The following COX10 variants were observed in gnomAD, a reference collection of about 807,000 sequenced individuals.
The protein encoded by COX10 is protoheme IX farnesyltransferase, mitochondrial.
In COX10, 27 loss-of-function variants were observed where a neutral mutation model predicts 37.3. The ratio of observed to expected loss-of-function variants is 0.72; its 90% CI spans 0.53 to 1.00. The LOEUF (loss-of-function observed/expected upper bound fraction) is 1.00. Among genes scored for constraint, COX10 ranks in the 50% least tolerant of loss-of-function variants. COX10 has a pLI of 0.00. For synonymous variants in COX10, 222 were observed against 229.1 expected (o/e 0.97, Z 0.28); for missense variants, 475 against 563.2 (o/e 0.84, Z 1.59).
chr17:14,157,436 C>A (rs1650177142), intron 4 of COX10, among the ~76,000 whole-genome samples: 1 of 152,208 alleles, frequency 6.6e-6, no homozygotes, highest in African/African-American at 2.4e-5. Flanking sequence ...AGGAGGGGAA[C>A]ATTCTAGGCA....
At chr17:14,162,464 C>G (rs1905189154) in intron 5 of COX10, among the ~76,000 whole-genome samples, 1 of 152,132 alleles carries the variant, frequency 6.6e-6, no homozygotes, top group African/African-American at 2.4e-5. Context: ...TGAGGTTTCT[C>G]TAGTGTCACA....
intron 6 of COX10, among the ~76,000 whole-genome samples, chr17:14,192,618 C>T (rs1213834789): frequency 6.6e-6 from 1 of 152,182 alleles, no homozygotes; most frequent in African/African-American, 2.4e-5. Flanking sequence ...TTTCGTCTCA[C>T]GAGCCAGCCT....
chr17:14,132,131 A>T (rs1250276048), intron 4 of COX10, among the ~76,000 whole-genome samples: 3 of 152,012 alleles, frequency 2.0e-5, no homozygotes, highest in Non-Finnish European at 2.9e-5. Context: ...TCATCCAAAC[A>T]TCATGAAATC....
intron 3 of COX10, among the ~76,000 whole-genome samples, chr17:14,097,233 C>T (rs998676127): frequency 6.6e-6 from 1 of 151,810 alleles, no homozygotes; most frequent in African/African-American, 2.4e-5. Flanking sequence ...CAATTTTACT[C>T]GTACAATTTA....
intron 4 of COX10, among the ~76,000 whole-genome samples, chr17:14,123,460 C>T (rs1024244566): frequency 6.6e-6 from 1 of 152,102 alleles, no homozygotes; most frequent in African/African-American, 2.4e-5. Context: ...GAGCTATGAA[C>T]ATTAAGACTT....
chr17:14,199,598 C>T (rs1033571887), intron 6 of COX10, among the ~76,000 whole-genome samples: 5 of 152,178 alleles, frequency 3.3e-5, no homozygotes, highest in Admixed American at 6.5e-5. Context: ...AGCTCCCTCC[C>T]GCCCACTGAG....
rs1199642072 is a variant in COX10 at position 14,208,571 on chromosome 17, C to A, written c.*1358C>A. 2 of 152,180 alleles carry A rather than the reference C, an allele frequency of 1.3e-5. No individual in the cohort carries two copies. The highest frequency in any genetic ancestry group is 4.8e-5 in the African/African-American group (2 of 41,452). The allele number at this position is 152,180 out of a possible 1,614,324, so 9.4% of individuals were successfully genotyped here. A position where few individuals can be genotyped will look rare whatever the true frequency, so the allele number is the denominator to read the frequency against. On this transcript the variant is annotated 3_prime_UTR_variant, in exon 7 of 7. Coordinates refer to ENST00000261643, the MANE Select transcript of COX10 (RefSeq NM_001303.4). Reference sequence around the variant, plus strand: ...GCCCCCAGGTATTTACTGTGGAGAACATTGCATAGGAATGTCTGGAAAAAG... The same window carrying A: ...GCCCCCAGGTATTTACTGTGGAGAAAATTGCATAGGAATGTCTGGAAAAAG...
chr17:14,149,630 G>A (rs1034279412), intron 4 of COX10, among the ~76,000 whole-genome samples: 19 of 152,116 alleles, frequency 1.2e-4, no homozygotes, highest in African/African-American at 4.3e-4. Context: ...AGGGTGGCTA[G>A]GAGTGTGGAA....
chr17:14,174,286 C>T (rs1905583063), intron 5 of COX10, among the ~76,000 whole-genome samples: 1 of 151,782 alleles, frequency 6.6e-6, no homozygotes, highest in African/African-American at 2.4e-5. Flanking sequence ...ATAGTGAGAC[C>T]TCATCTTTAC....
chr17:14,186,446 G>C (rs1197972969), intron 5 of COX10, among the ~76,000 whole-genome samples: 1 of 151,704 alleles, frequency 6.6e-6, no homozygotes, highest in Non-Finnish European at 1.5e-5. Context: ...CCCATCCATC[G>C]GGTCTCAGTT....
chr17:14,130,532 T>TC (rs55832608), intron 4 of COX10, among the ~76,000 whole-genome samples: 151,367 of 152,282 alleles, frequency 0.99, 75,239 homozygotes, highest in Middle Eastern at 1. Flanking sequence ...TTCCATCATC[T>TC]ATTTAAACTC....
At position 14,076,853 on chromosome 17, in the gene COX10, T is replaced by G. The variant is rs769788363; in HGVS notation, c.296T>G (p.Met99Arg). The change falls in exon 3 of 7, where the codon ATG becomes AGG. Residue 99 changes from methionine to arginine, a missense_variant. This residue lies in a region of COX10 where 242 missense variants were observed against 242.5 expected (regional missense o/e 1.00). Transcript: ENST00000261643. Reference protein sequence around the residue: ...SGQAKAEIYEMRPLSPPSLSL... With the variant: ...SGQAKAEIYERRPLSPPSLSL... ...CAAGCCAAAGCAGAAATATATGAGA[T>G]GAGACCTCTCTCACCGCCCAGCCTA... The G allele has an allele frequency of 2.5e-6, 4 of 1,614,116 alleles. No homozygotes were observed. The East Asian group carries it at 8.9e-5, about 36-fold the overall frequency.
At chr17:14,080,201 ATTTGGGAATTAGACTTTCTTTTT>A (rs1915256945) in intron 3 of COX10, among the ~76,000 whole-genome samples, 1 of 145,188 alleles carries the variant, frequency 6.9e-6, no homozygotes, top group Admixed American at 6.9e-5. Context: ...CCTCAACAGC[ATTTGGGAATTAGACTTTCTTTTT>A]TTTTTTTTTT....
intron 3 of COX10, among the ~76,000 whole-genome samples, chr17:14,096,719 A>G (rs1172647477): frequency 1.3e-5 from 2 of 152,154 alleles, no homozygotes; most frequent in African/African-American, 4.8e-5. Context: ...TGTGGGAAAC[A>G]TAGTGGGAAC....
intron 4 of COX10, among the ~76,000 whole-genome samples, chr17:14,144,953 C>G (rs554341870): frequency 6.6e-6 from 1 of 151,934 alleles, no homozygotes; most frequent in Non-Finnish European, 1.5e-5. Flanking sequence ...AGTTAGAAGA[C>G]AACAGGCTAA....
intron 3 of COX10, among the ~76,000 whole-genome samples, chr17:14,096,575 G>T (rs1373321137): frequency 6.6e-6 from 1 of 152,026 alleles, no homozygotes; most frequent in African/African-American, 2.4e-5. Context: ...TCACTTTGTT[G>T]TCCAGGCTGG....
rs187619803 is a variant in COX10 at position 14,082,234 on chromosome 17, C to T, written c.499+5178C>T. Among the ~76,000 whole-genome samples the T allele has an allele frequency of 3.9e-3, 600 of 152,118 alleles. 2 individuals are homozygous for T. The highest frequency in any genetic ancestry group is 6.7e-3 in the Non-Finnish European group (455 of 67,994). On this transcript the variant is annotated intron_variant, in intron 3 of 6. Coordinates refer to ENST00000261643, the MANE Select transcript of COX10 (RefSeq NM_001303.4). ...AAATAAATGGTCAGAGGGAGGAAGACCGGAAAAGACCCTGTCACAGAAGCC... is the reference window on the plus strand; with the variant it reads ...AAATAAATGGTCAGAGGGAGGAAGATCGGAAAAGACCCTGTCACAGAAGCC...
intron 6 of COX10, among the ~76,000 whole-genome samples, chr17:14,206,196 T>C (rs1267687908): frequency 6.6e-6 from 1 of 152,104 alleles, no homozygotes; most frequent in African/African-American, 2.4e-5. Context: ...CATCCGGCTC[T>C]GTGTCAGTGC....
At chr17:14,138,686 A>C (rs897744339) in intron 4 of COX10, among the ~76,000 whole-genome samples, 3 of 152,184 alleles carry the variant, frequency 2.0e-5, no homozygotes, top group African/African-American at 7.2e-5. Context: ...CTCTAAACTT[A>C]TAATTAGCAG....
Sources: gnomAD v4.1 joint callset for allele counts (sites outside exome capture counted in the v4.1 genomes callset) on GRCh38, gnomAD v4.1.1 for gene constraint, gnomAD v4.1.1 regional missense constraint, MANE v1.5 for transcripts, NCBI Gene and HGNC (gene_info 2026-07-23, HGNC 2026-07-21) for gene names.